INVS: variants seen among roughly 807,000 people sequenced by gnomAD.
The protein encoded by INVS is inversin, also known as inversion of embryo turning homolog.
Under a neutral mutation model 108.8 loss-of-function variants are expected in INVS, and 86 were observed. The ratio of observed to expected loss-of-function variants is 0.79; its 90% CI spans 0.66 to 0.95. INVS has a LOEUF of 0.95. INVS is among the 40% of genes least tolerant of loss of function. INVS has a pLI of 0.00. For synonymous variants in INVS, 455 were observed against 473.5 expected (o/e 0.96, Z 0.51); for missense variants, 1,169 against 1,297.4 (o/e 0.90, Z 1.52).
At chr9:100,226,369 C>A in intron 4 of INVS, 134 bp downstream of exon 4, 1 of 698,210 alleles carries the variant, frequency 1.4e-6, no homozygotes, top group Non-Finnish European at 2.4e-6. Flanking sequence ...CTCCATACAT[C>A]TCAGGGAAGT....
intron 3 of INVS, among the ~76,000 whole-genome samples, chr9:100,197,009 T>G (rs1830396893): frequency 6.6e-6 from 1 of 152,010 alleles, no homozygotes; most frequent in African/African-American, 2.4e-5. Context: ...CAGCTGGATA[T>G]CCCCTAATTC....
intron 2 of INVS, among the ~76,000 whole-genome samples, chr9:100,107,048 T>G (rs1827202993): frequency 6.6e-6 from 1 of 152,248 alleles, no homozygotes; most frequent in Non-Finnish European, 1.5e-5. Context: ...CTTATTTACC[T>G]TAATTCACTC....
chr9:100,297,917 AG>A lies in INVS; in HGVS notation c.3017-18del, dbSNP rs761040482. ...GTATCCCTGGCCAAAGAAAAGTAAC[AG>A]TTGTTGGTTCATTTCAGGTTGTTCT... On this transcript the variant is annotated intron_variant, in intron 15 of 16. Transcript: ENST00000262457. The A allele has an allele frequency of 6.8e-6, 11 of 1,613,856 alleles. No homozygotes were observed. The highest frequency in any genetic ancestry group is 5.3e-5 in the African/African-American group (4 of 74,940).
intron 3 of INVS, among the ~76,000 whole-genome samples, chr9:100,157,251 A>T (rs60181536): frequency 6.7e-6 from 1 of 148,320 alleles, no homozygotes; most frequent in African/African-American, 2.5e-5. Flanking sequence ...AGAAATAGTA[A>T]AAATTTCTTT....
chr9:100,155,212 A>G (rs75053150), intron 3 of INVS, among the ~76,000 whole-genome samples: 1 of 148,536 alleles, frequency 6.7e-6, no homozygotes, highest in Non-Finnish European at 1.5e-5. Context: ...CTCCATCTCA[A>G]AAAAAAAAAA....
In INVS at chr9:100,300,815, G is replaced by C. The variant is rs1833944504; in HGVS notation, c.*141G>C. Reference sequence around the variant, plus strand: ...TGATTCACCTAAAAATGTGTTAACTGAAAGAAAATGTCAGAATGTTTCCTT... The same window carrying C: ...TGATTCACCTAAAAATGTGTTAACTCAAAGAAAATGTCAGAATGTTTCCTT... On this transcript the variant is annotated 3_prime_UTR_variant, in exon 17 of 17. Transcript: ENST00000262457. 4.4e-6 allele frequency: 3 copies of C among 684,356 alleles called. No homozygotes were observed. The highest frequency in any genetic ancestry group is 2.4e-4 in the Middle Eastern group (1 of 4,254). 42.4% of individuals were successfully genotyped at this position (684,356 alleles called of 1,614,324 possible). A position where few individuals can be genotyped will look rare whatever the true frequency, so the allele number is the denominator to read the frequency against.
chr9:100,187,651 T>A (rs534839769), intron 3 of INVS, among the ~76,000 whole-genome samples: 53 of 150,972 alleles, frequency 3.5e-4, no homozygotes, highest in African/African-American at 1.2e-3. Context: ...CTCAGCCTCC[T>A]GAGTAGCTGG....
At chr9:100,122,524 T>C (rs969741153) in intron 2 of INVS, among the ~76,000 whole-genome samples, 2 of 151,342 alleles carry the variant, frequency 1.3e-5, no homozygotes, top group Non-Finnish European at 2.9e-5. Flanking sequence ...ATTATAGTTT[T>C]GCTAATTCTT....
At chr9:100,147,048 A>T (rs1828640899) in intron 3 of INVS, among the ~76,000 whole-genome samples, 1 of 152,190 alleles carries the variant, frequency 6.6e-6, no homozygotes, top group South Asian at 2.1e-4. Context: ...GGATTTATTA[A>T]ATTAATGTGT....
At chr9:100,129,593 G>A in intron 3 of INVS, 1 of 545,710 alleles carries the variant, frequency 1.8e-6, no homozygotes, top group Non-Finnish European at 3.4e-6. Context: ...ATCAATTCTG[G>A]CCATAATGGC....
intron 12 of INVS, among the ~76,000 whole-genome samples, chr9:100,284,009 C>T (rs1833354709): frequency 6.6e-6 from 1 of 152,134 alleles, no homozygotes; most frequent in Non-Finnish European, 1.5e-5. Context: ...CACACATAAG[C>T]TTGGGGCACA....
intron 3 of INVS, among the ~76,000 whole-genome samples, chr9:100,156,907 C>G (rs545240716): frequency 6.7e-6 from 1 of 148,456 alleles, no homozygotes; most frequent in Non-Finnish European, 1.5e-5. Context: ...ATAAACCACT[C>G]AAACTAATAT....
At chr9:100,296,613 C>A (rs1036823143) in intron 14 of INVS, among the ~76,000 whole-genome samples, 2 of 152,236 alleles carry the variant, frequency 1.3e-5, no homozygotes, top group Non-Finnish European at 2.9e-5. Context: ...TTTGCACAAC[C>A]AGCTCCTTGC....
At chr9:100,109,898 C>T (rs2118838577) in intron 2 of INVS, among the ~76,000 whole-genome samples, 1 of 152,348 alleles carries the variant, frequency 6.6e-6, no homozygotes, top group East Asian at 1.9e-4. Context: ...AACTCCCGAC[C>T]TCAAGTGATC....
At chr9:100,134,896 G>A (rs1230719495) in intron 3 of INVS, among the ~76,000 whole-genome samples, 1 of 152,184 alleles carries the variant, frequency 6.6e-6, no homozygotes, top group South Asian at 2.1e-4. Context: ...TAGACATTAT[G>A]TTGAGTGGAA....
chr9:100,125,234 T>C (rs1198081657), intron 2 of INVS, among the ~76,000 whole-genome samples: 1 of 152,192 alleles, frequency 6.6e-6, no homozygotes, highest in Non-Finnish European at 1.5e-5. Context: ...TTCGGGGCAT[T>C]GATAGTTTGA....
chr9:100,115,734 G>A (rs1355644122), intron 2 of INVS, among the ~76,000 whole-genome samples: 3 of 152,174 alleles, frequency 2.0e-5, no homozygotes, highest in Non-Finnish European at 4.4e-5. Flanking sequence ...TTGCTATTGT[G>A]AGTAGTGCCA....
At chr9:100,121,896 T>C (rs1827736157) in intron 2 of INVS, among the ~76,000 whole-genome samples, 1 of 152,212 alleles carries the variant, frequency 6.6e-6, no homozygotes, top group African/African-American at 2.4e-5. Context: ...TACAACAACA[T>C]GTTTTTATTC....
intron 3 of INVS, among the ~76,000 whole-genome samples, chr9:100,163,186 A>ATTTTTTT (rs556149756): frequency 2.3e-5 from 3 of 131,842 alleles, no homozygotes; most frequent in African/African-American, 8.5e-5. Context: ...TGTTCTTTCT[A>ATTTTTTT]TTTTTTTTTT....
Sources: allele counts gnomAD v4.1 joint callset (sites outside exome capture counted in the v4.1 genomes callset), GRCh38; gene constraint gnomAD v4.1.1; transcripts MANE v1.5; gene names NCBI Gene and HGNC (gene_info 2026-07-23, HGNC 2026-07-21).